NALF1: variants seen among roughly 807,000 people sequenced by gnomAD.
The protein encoded by NALF1 is family with sequence similarity 155 member A.
In NALF1, 3 loss-of-function variants were observed where a neutral mutation model predicts 48.4. That is an observed-to-expected ratio of 0.06 (90% confidence interval 0.03 to 0.16). The LOEUF is 0.16. Ranked by LOEUF, NALF1 falls within the 10% of genes least tolerant of loss-of-function variation. The pLI is 1.00. For missense variants in NALF1, 526 were observed against 571.5 expected (o/e 0.92, Z 0.81); for synonymous variants, 262 against 245.7 (o/e 1.07, Z -0.62).
chr13:107,174,658 A>T (rs2138766963), intron 2 of NALF1, among the ~76,000 whole-genome samples: 1 of 151,346 alleles, frequency 6.6e-6, no homozygotes, highest in East Asian at 2.0e-4. Flanking sequence ...CCCGGCCAGG[A>T]TGGAGGAACT....
chr13:107,444,078 G>C (rs1177942518), intron 1 of NALF1, among the ~76,000 whole-genome samples: 1 of 151,930 alleles, frequency 6.6e-6, no homozygotes, highest in East Asian at 1.9e-4. Flanking sequence ...ATAAAATTAG[G>C]ATTATTTTAC....
chr13:107,636,706 A>G (rs1879985384), intron 1 of NALF1, among the ~76,000 whole-genome samples: 1 of 151,960 alleles, frequency 6.6e-6, no homozygotes, highest in Non-Finnish European at 1.5e-5. Flanking sequence ...ATTTTATAAT[A>G]TACTTGGTAG....
intron 1 of NALF1, among the ~76,000 whole-genome samples, chr13:107,589,904 A>G (rs139536417): frequency 1.0e-3 from 152 of 152,158 alleles, no homozygotes; most frequent in Middle Eastern, 6.8e-3. Context: ...GTCAGCTGAC[A>G]TCTCAGATGA....
intron 1 of NALF1, among the ~76,000 whole-genome samples, chr13:107,238,052 G>A (rs937246853): frequency 6.6e-6 from 1 of 152,092 alleles, no homozygotes; most frequent in Admixed American, 6.5e-5. Context: ...TTGTTATCTC[G>A]AATCCAGAGG....
intron 1 of NALF1, among the ~76,000 whole-genome samples, chr13:107,568,080 C>A (rs1877868022): frequency 6.6e-6 from 1 of 152,112 alleles, no homozygotes; most frequent in African/African-American, 2.4e-5. Flanking sequence ...TGGGCTCAAA[C>A]AATCCTCCTG....
chr13:107,608,650 C>T (rs73595235), intron 1 of NALF1, among the ~76,000 whole-genome samples: 5,205 of 152,188 alleles, frequency 0.034, 187 homozygotes, highest in African/African-American at 0.097. Context: ...GCAACGGTTG[C>T]AGGGCACTTA....
chr13:107,377,709 C>T (rs1328708397), intron 1 of NALF1, among the ~76,000 whole-genome samples: 1 of 152,130 alleles, frequency 6.6e-6, no homozygotes, highest in African/African-American at 2.4e-5. Flanking sequence ...AATGCCAGGG[C>T]CTTCTCCCTG....
At chr13:107,667,254 G>A (rs924114410) in intron 1 of NALF1, among the ~76,000 whole-genome samples, 2 of 151,826 alleles carry the variant, frequency 1.3e-5, no homozygotes, top group Non-Finnish European at 2.9e-5. Flanking sequence ...TAAATTTTAT[G>A]AGAACCCCAA....
At chr13:107,442,194 G>A (rs1440410409) in intron 1 of NALF1, among the ~76,000 whole-genome samples, 4 of 151,288 alleles carry the variant, frequency 2.6e-5, no homozygotes, top group Non-Finnish European at 5.9e-5. Context: ...GGAGAGAGAG[G>A]GAGAGCAAGA....
At chr13:107,816,309 C>T (rs945321934) in intron 1 of NALF1, among the ~76,000 whole-genome samples, 1 of 152,148 alleles carries the variant, frequency 6.6e-6, no homozygotes, top group Non-Finnish European at 1.5e-5. Context: ...CTGATAAAGA[C>T]ATATACGAGG....
At position 107,507,759 on chromosome 13, in the gene NALF1, G is replaced by C. The variant is rs193186390; in HGVS notation, c.916-297004C>G. Among the ~76,000 whole-genome samples the C allele has an allele frequency of 1.6e-3, 247 of 152,056 alleles. 1 individual carries two copies. Among genetic ancestry groups the C allele is most frequent in the African/African-American group, 5.9e-3 (243 of 41,476 alleles). ...CAAACAATAGCCTGCTATATTTATTGAAATCATAGGAAATAACTAGACCTG... is the reference window on the plus strand; with the variant it reads ...CAAACAATAGCCTGCTATATTTATTCAAATCATAGGAAATAACTAGACCTG... On this transcript the variant is annotated intron_variant, in intron 1 of 2. Transcript: ENST00000375915.
intron 1 of NALF1, among the ~76,000 whole-genome samples, chr13:107,520,932 C>T (rs754183693): frequency 5.3e-5 from 8 of 152,090 alleles, no homozygotes; most frequent in Admixed American, 1.3e-4. Context: ...CAAATCTCCA[C>T]GGGATAAGGC....
At chr13:107,276,791 T>C (rs192218932) in intron 1 of NALF1, among the ~76,000 whole-genome samples, 173 of 152,184 alleles carry the variant, frequency 1.1e-3, no homozygotes, top group Middle Eastern at 6.8e-3. Context: ...GTAAAAAAAT[T>C]ATGCATTTAT....
chr13:107,841,220 T>C (rs2138635106), intron 1 of NALF1, among the ~76,000 whole-genome samples: 1 of 152,254 alleles, frequency 6.6e-6, no homozygotes, highest in East Asian at 1.9e-4. Context: ...GCATTCTAGG[T>C]TTTACAGACC....
intron 1 of NALF1, among the ~76,000 whole-genome samples, chr13:107,757,415 C>CTTTTTTTT (rs3074821): frequency 8.3e-5 from 9 of 107,904 alleles, no homozygotes; most frequent in East Asian, 2.8e-4. Flanking sequence ...GCCCTCATTT[C>CTTTTTTTT]TTTTTTTTTT....
chr13:107,701,212 G>A (rs1881809593), intron 1 of NALF1, among the ~76,000 whole-genome samples: 1 of 152,098 alleles, frequency 6.6e-6, no homozygotes, highest in African/African-American at 2.4e-5. Flanking sequence ...TTATTCCCAA[G>A]AGCCAAAATA....
intron 1 of NALF1, among the ~76,000 whole-genome samples, chr13:107,684,270 C>T (rs191968886): frequency 4.1e-4 from 63 of 152,306 alleles, no homozygotes; most frequent in Middle Eastern, 6.8e-3. Flanking sequence ...CTTGACCTTG[C>T]TAAGGGGTCT....
chr13:107,569,757 TTTAAG>T (rs146215761), intron 1 of NALF1, among the ~76,000 whole-genome samples: 2,717 of 151,996 alleles, frequency 0.018, 77 homozygotes, highest in African/African-American at 0.059. Flanking sequence ...TAGAATTAAC[TTTAAG>T]TTGTCTGTTT....
intron 1 of NALF1, among the ~76,000 whole-genome samples, chr13:107,695,689 C>A (rs1246825901): frequency 6.6e-6 from 1 of 152,104 alleles, no homozygotes; most frequent in Non-Finnish European, 1.5e-5. Flanking sequence ...TAGATGAGAA[C>A]TCTCTCTATT....
Sources: allele counts gnomAD v4.1 joint callset (sites outside exome capture counted in the v4.1 genomes callset), GRCh38; gene constraint gnomAD v4.1.1; transcripts MANE v1.5; gene names NCBI Gene and HGNC (gene_info 2026-07-23, HGNC 2026-07-21).